WDPCP: variants seen among roughly 807,000 people sequenced by gnomAD.
WDPCP encodes WD repeat-containing and planar cell polarity effector protein fritz homolog.
In WDPCP, 71 loss-of-function variants were observed where a neutral mutation model predicts 93.1. The observed-to-expected ratio is 0.76, with a 90% CI of 0.63 to 0.93. The LOEUF (loss-of-function observed/expected upper bound fraction) is 0.93, where lower values mean the gene tolerates loss of function less well. Among genes scored for constraint, WDPCP ranks in the 40% least tolerant of loss-of-function variants. WDPCP has a pLI of 0.00. For missense variants in WDPCP, 844 were observed against 887.4 expected, an observed-to-expected ratio of 0.95 and a Z score of 0.62; for synonymous variants, 315 against 315.0, an observed-to-expected ratio of 1.00 and a Z score of 0.00.
intron 2 of WDPCP, among the ~76,000 whole-genome samples, chr2:63,751,139 G>C (rs980437101): frequency 6.6e-6 from 1 of 152,088 alleles, no homozygotes; most frequent in African/African-American, 2.4e-5. Context: ...TTTTAAAAAT[G>C]GATATAGGAC....
At chr2:63,323,994 C>T (rs934873155) in intron 12 of WDPCP, among the ~76,000 whole-genome samples, 1 of 152,038 alleles carries the variant, frequency 6.6e-6, no homozygotes, top group African/African-American at 2.4e-5. Flanking sequence ...AACAGGCTCA[C>T]CTTTGAAATG....
At chr2:63,296,944 A>G (rs993795087) in intron 13 of WDPCP, among the ~76,000 whole-genome samples, 4 of 152,186 alleles carry the variant, frequency 2.6e-5, no homozygotes, top group Non-Finnish European at 4.4e-5. Context: ...AAACAATCCT[A>G]AAGTTCTTAT....
chr2:63,761,136 A>T (rs1405864399), intron 2 of WDPCP, among the ~76,000 whole-genome samples: 2 of 152,138 alleles, frequency 1.3e-5, no homozygotes, highest in Non-Finnish European at 2.9e-5. Context: ...GGGACCTTTA[A>T]GAGGTGATTA....
chr2:63,264,262 A>C (rs1247587287), intron 13 of WDPCP, among the ~76,000 whole-genome samples: 1 of 152,240 alleles, frequency 6.6e-6, no homozygotes, highest in Non-Finnish European at 1.5e-5. Flanking sequence ...ACAGACTGAA[A>C]GTAAATGGAT....
chr2:63,138,151 T>G (rs1244657100), intron 17 of WDPCP, among the ~76,000 whole-genome samples: 2 of 151,826 alleles, frequency 1.3e-5, no homozygotes, highest in African/African-American at 4.8e-5. Context: ...CACTTTTATT[T>G]GTAATAAAAA....
At chr2:63,436,610 G>C (rs1340734977) in intron 8 of WDPCP, among the ~76,000 whole-genome samples, 1 of 151,992 alleles carries the variant, frequency 6.6e-6, no homozygotes, top group Non-Finnish European at 1.5e-5. Flanking sequence ...TCTTTTTTAA[G>C]GAAGCTGTAT....
intron 3 of WDPCP, among the ~76,000 whole-genome samples, chr2:63,636,499 C>A (rs1160513547): frequency 3.3e-5 from 5 of 152,072 alleles, no homozygotes; most frequent in African/African-American, 1.2e-4. Context: ...TGAAATGGTG[C>A]AATCATGGCT....
intron 17 of WDPCP, among the ~76,000 whole-genome samples, chr2:63,152,633 G>C (rs1249689033): frequency 2.6e-5 from 4 of 152,084 alleles, no homozygotes; most frequent in African/African-American, 9.7e-5. Context: ...GAATCATTTT[G>C]AGTCAACTTG....
At chr2:63,184,846 A>C (rs1674503388) in intron 14 of WDPCP, among the ~76,000 whole-genome samples, 1 of 152,128 alleles carries the variant, frequency 6.6e-6, no homozygotes, top group South Asian at 2.1e-4. Flanking sequence ...AGGAACACCA[A>C]TGATTCGTAA....
chr2:63,569,409 T>C (rs1707310372), intron 1 of WDPCP, among the ~76,000 whole-genome samples: 1 of 152,228 alleles, frequency 6.6e-6, no homozygotes, highest in Non-Finnish European at 1.5e-5. Context: ...TATTTTTTTT[T>C]CCTTTGGCCT....
chr2:63,797,975 G>C (rs1670640353), intron 2 of WDPCP, among the ~76,000 whole-genome samples: 1 of 152,158 alleles, frequency 6.6e-6, no homozygotes, highest in South Asian at 2.1e-4. Context: ...CAATATGTCT[G>C]GCAGAAGACT....
intron 2 of WDPCP, among the ~76,000 whole-genome samples, chr2:63,683,193 C>A (rs911654026): frequency 2.6e-5 from 4 of 151,970 alleles, no homozygotes; most frequent in Non-Finnish European, 5.9e-5. Flanking sequence ...GAGAAGACCA[C>A]AAAACAACCA....
At chr2:63,412,530 A>G (rs1227523892) in intron 9 of WDPCP, among the ~76,000 whole-genome samples, 2 of 152,188 alleles carry the variant, frequency 1.3e-5, no homozygotes, top group Non-Finnish European at 2.9e-5. Context: ...TCCTAGCCAG[A>G]GCAGTCAGAC....
chr2:63,437,360 AT>A, intron 8 of WDPCP, 60 bp downstream of exon 8: 2 of 1,319,382 alleles, frequency 1.5e-6, no homozygotes, highest in South Asian at 1.5e-5. Flanking sequence ...ATACCAACTT[AT>A]GTGATACTCT....
rs533916972 is a variant in WDPCP, at chr2:63,204,367, G to C, written c.1916-29535C>G. On this transcript the variant is annotated intron_variant, in intron 14 of 17. Coordinates refer to ENST00000272321, the MANE Select transcript of WDPCP (RefSeq NM_015910.7). ...TTTTTTTTTTTTTTTTTGAGACAGA[G>C]TCTCACTCTGGTCACCCAGGCTGGA... Among the ~76,000 whole-genome samples the C allele has an allele frequency of 1.6e-4, 19 of 121,270 alleles. No individual in the cohort carries two copies. The East Asian group carries it at 4.4e-3, about 28-fold the overall frequency. 79.6% of individuals were successfully genotyped at this position (121,270 alleles called of 152,430 possible).
intron 3 of WDPCP, among the ~76,000 whole-genome samples, chr2:63,594,070 G>T (rs1409858304): frequency 6.6e-6 from 1 of 152,152 alleles, no homozygotes; most frequent in African/African-American, 2.4e-5. Flanking sequence ...AATGTAAATG[G>T]AAAGTTTTAG....
intron 2 of WDPCP, among the ~76,000 whole-genome samples, chr2:63,739,897 T>C (rs1669690389): frequency 6.6e-6 from 1 of 152,130 alleles, no homozygotes; most frequent in Non-Finnish European, 1.5e-5. Context: ...GAAGTGTCTA[T>C]TCATGTCCTT....
At chr2:63,754,013 CT>C (rs1296672476) in intron 2 of WDPCP, among the ~76,000 whole-genome samples, 1 of 152,204 alleles carries the variant, frequency 6.6e-6, no homozygotes, top group Non-Finnish European at 1.5e-5. Context: ...GGGAAAAGAG[CT>C]GCCAAGCAAG....
At chr2:63,465,302 A>C (rs1699275351) in intron 6 of WDPCP, among the ~76,000 whole-genome samples, 1 of 152,154 alleles carries the variant, frequency 6.6e-6, no homozygotes, top group Admixed American at 6.6e-5. Context: ...AGATGAAGTA[A>C]CTTCCCCAAA....
Sources: gnomAD v4.1 joint callset for allele counts (sites outside exome capture counted in the v4.1 genomes callset) on GRCh38, gnomAD v4.1.1 for gene constraint, MANE v1.5 for transcripts, NCBI Gene and HGNC (gene_info 2026-07-23, HGNC 2026-07-21) for gene names.